ITCH: variants seen among roughly 807,000 people sequenced by gnomAD.
ITCH encodes the protein E3 ubiquitin-protein ligase Itchy homolog.
Under a neutral mutation model 126.8 loss-of-function variants are expected in ITCH, and 28 were observed. That is an observed-to-expected ratio of 0.22 (90% CI 0.16 to 0.30). The LOEUF (loss-of-function observed/expected upper bound fraction) is 0.30, where lower values mean the gene tolerates loss of function less well. Ranked by LOEUF, ITCH falls within the 10% of genes least tolerant of loss-of-function variation. The pLI, the probability that ITCH is intolerant of heterozygous loss-of-function variation, is 1.00. For missense variants in ITCH, 631 were observed against 1,032.4 expected (o/e 0.61, Z 5.33); for synonymous variants, 342 against 340.0 (o/e 1.01, Z -0.06).
At chr20:34,447,888 T>C (rs1287270990) in intron 11 of ITCH, among the ~76,000 whole-genome samples, 1 of 152,168 alleles carries the variant, frequency 6.6e-6, no homozygotes, top group Admixed American at 6.5e-5. Flanking sequence ...GACATGGGGT[T>C]GTAGGGGTGG....
Position 34,497,362 on chromosome 20 carries a change from C to T in ITCH, c.2416+4765C>T, listed in dbSNP as rs148638003. ...AAATATGTGGGTTTGTTTCTGGGTTCTCTCTTCTGTTCCACTGGTCTATGT... is the reference window on the plus strand; with the variant it reads ...AAATATGTGGGTTTGTTTCTGGGTTTTCTCTTCTGTTCCACTGGTCTATGT... On this transcript the variant is annotated intron_variant, in intron 23 of 24. Transcript: ENST00000374864. 1.2e-3 allele frequency among the ~76,000 whole-genome samples: 189 copies of T among 152,220 alleles called. 1 individual carries two copies. Among genetic ancestry groups the T allele is most frequent in the African/African-American group, 4.1e-3 (171 of 41,530 alleles).
intron 14 of ITCH, among the ~76,000 whole-genome samples, chr20:34,468,768 G>A (rs745411321): frequency 2.0e-5 from 3 of 148,060 alleles, no homozygotes; most frequent in Non-Finnish European, 4.5e-5. Context: ...TCCAGCCTGG[G>A]AGACAGAGCA....
At chr20:34,502,034 C>T (rs112407403) in intron 23 of ITCH, among the ~76,000 whole-genome samples, 45 of 152,122 alleles carry the variant, frequency 3.0e-4, no homozygotes, top group Admixed American at 2.4e-3. Context: ...AAAAAAGCCT[C>T]GGAGACCATA....
At chr20:34,504,555 C>G in intron 24 of ITCH, 152 bp downstream of exon 24, 1 of 642,124 alleles carries the variant, frequency 1.6e-6, no homozygotes, top group Non-Finnish European at 2.8e-6. Flanking sequence ...TTGTTCACCC[C>G]TGTATGATTC....
chr20:34,491,610 CAT>C (rs1989520830), intron 22 of ITCH, among the ~76,000 whole-genome samples: 2 of 152,216 alleles, frequency 1.3e-5, no homozygotes, highest in African/African-American at 4.8e-5. Flanking sequence ...TAAAAAAATT[CAT>C]ATGAGAAACT....
At chr20:34,452,638 G>T (rs1985402833) in intron 12 of ITCH, among the ~76,000 whole-genome samples, 1 of 152,160 alleles carries the variant, frequency 6.6e-6, no homozygotes, top group South Asian at 2.1e-4. Context: ...TATATGCTGG[G>T]ACTAGACATT....
chr20:34,442,412 C>T (rs1285393449), intron 10 of ITCH, 109 bp downstream of exon 10: 3 of 800,308 alleles, frequency 3.7e-6, no homozygotes, highest in Admixed American at 2.1e-5. Context: ...AGCCCTTTCT[C>T]TGTCCACTTT....
At chr20:34,410,243 C>T (rs1361751033) in intron 4 of ITCH, among the ~76,000 whole-genome samples, 2 of 151,854 alleles carry the variant, frequency 1.3e-5, no homozygotes, top group African/African-American at 2.4e-5. Context: ...TGGTGGGTGC[C>T]TGTAATCCCA....
rs771636843 is a variant in ITCH, at chr20:34,481,126, A to C, written c.2013A>C (p.Leu671=). The C allele has an allele frequency of 6.2e-7, 1 of 1,613,318 alleles. No homozygotes were observed. Among genetic ancestry groups the C allele is most frequent in the Non-Finnish European group, 8.5e-7 (1 of 1,179,392 alleles). The change falls in exon 20 of 25, where the codon CTA becomes CTC. Residue 671 remains leucine, a synonymous_variant. Coordinates refer to ENST00000374864, the MANE Select transcript of ITCH (RefSeq NM_031483.7). Reference sequence around the variant, plus strand: ...ACTTCTCCGTTGACAAAGAAATTCTAGGTGAAATTAAGAGTCATGATCTGA... The same window carrying C: ...ACTTCTCCGTTGACAAAGAAATTCTCGGTGAAATTAAGAGTCATGATCTGA... ...EMYFSVDKEI[L]GEIKSHDLKP...
chr20:34,430,537 G>C (rs1049083828), intron 7 of ITCH, among the ~76,000 whole-genome samples: 2 of 152,084 alleles, frequency 1.3e-5, no homozygotes, highest in Non-Finnish European at 1.5e-5. Context: ...GCAGTGACGC[G>C]ATCTCGGCTC....
chr20:34,491,459 G>A lies in ITCH; in HGVS notation c.2320-1042G>A, dbSNP rs1169287339. Among the ~76,000 whole-genome samples, 8 of 152,146 alleles carry A rather than the reference G, an allele frequency of 5.3e-5. 1 individual carries two copies. Among genetic ancestry groups the A allele is most frequent in the Admixed American group, 5.2e-4 (8 of 15,268 alleles). ...AGGTTTTACTTGGGATGATGAAAAA[G>A]TTGGAAATAGTGGCGATGGTTGCAC... On this transcript the variant is annotated intron_variant, in intron 22 of 24. Transcript: ENST00000374864.
At chr20:34,420,488 G>C (rs943809695) in intron 6 of ITCH, among the ~76,000 whole-genome samples, 9 of 152,160 alleles carry the variant, frequency 5.9e-5, no homozygotes, top group African/African-American at 2.2e-4. Flanking sequence ...TTCATTGATA[G>C]ACATTTGGCT....
In ITCH at chr20:34,471,651, C is replaced by T. The variant is rs558489212; in HGVS notation, c.1569+136C>T. On this transcript the variant is annotated intron_variant, in intron 16 of 24. Transcript: ENST00000374864. ...GAATTTTTCAAGTGCGATCTCATTG[C>T]CAGCCACCTTAGGGCTTAAGGGGTG... 1.4e-5 allele frequency: 9 copies of T among 657,622 alleles called. No homozygotes were observed. The East Asian group carries it at 2.4e-4, about 17-fold the overall frequency. The allele number at this position is 657,622 out of a possible 1,614,324, so 40.7% of individuals were successfully genotyped here.
chr20:34,475,200 A>G (rs1174343976), intron 16 of ITCH, among the ~76,000 whole-genome samples: 1 of 150,676 alleles, frequency 6.6e-6, no homozygotes, highest in South Asian at 2.1e-4. Flanking sequence ...GGCTCCTCAC[A>G]TCCCAGACGA....
At chr20:34,369,197 G>C (rs2037528429) in intron 1 of ITCH, among the ~76,000 whole-genome samples, 197 bp from the exon 2 acceptor site, 1 of 152,158 alleles carries the variant, frequency 6.6e-6, no homozygotes, top group African/African-American at 2.4e-5. Flanking sequence ...GCGTGGGGGT[G>C]CACGCCCGTA....
intron 15 of ITCH, among the ~76,000 whole-genome samples, chr20:34,470,499 C>G (rs1157894378): frequency 3.3e-5 from 5 of 151,886 alleles, no homozygotes; most frequent in Non-Finnish European, 7.4e-5. Flanking sequence ...AACATTGTCA[C>G]TTTTTCCTCA....
Position 34,503,111 on chromosome 20 carries a change from C to T in ITCH, c.2417-1220C>T, listed in dbSNP as rs76967724. ...TAATTTTAACTGTGTTTTTTTATAA[C>T]GTTTCCTATATTACTGGACTTTTTA... On this transcript the variant is annotated intron_variant, in intron 23 of 24. Coordinates refer to ENST00000374864, the MANE Select transcript of ITCH (RefSeq NM_031483.7). Among the ~76,000 whole-genome samples, 1,368 of 152,162 alleles carry T rather than the reference C, an allele frequency of 9.0e-3. 19 individuals carry two copies. The highest frequency in any genetic ancestry group is 0.031 in the African/African-American group (1,287 of 41,506).
rs1362672258 is a variant in ITCH at position 34,474,860 on chromosome 20, G to A, written c.1570-2912G>A. ...TGGAGACGCTCCTCACTTCCCAGAC[G>A]GGGCGGCTGCCGGGCGGAGGGGCTC... On this transcript the variant is annotated intron_variant, in intron 16 of 24. Transcript: ENST00000374864. Among the ~76,000 whole-genome samples the A allele has an allele frequency of 3.3e-5, 5 of 151,890 alleles. 1 individual carries two copies. Among genetic ancestry groups the A allele is most frequent in the South Asian group, 2.1e-4 (1 of 4,812 alleles).
At chr20:34,399,970 C>T (rs981663360) in intron 3 of ITCH, among the ~76,000 whole-genome samples, 2 of 151,766 alleles carry the variant, frequency 1.3e-5, no homozygotes, top group African/African-American at 2.4e-5. Flanking sequence ...GACGGAGTCT[C>T]GCTCTGTTGC....
Sources: allele counts gnomAD v4.1 joint callset (sites outside exome capture counted in the v4.1 genomes callset), GRCh38; gene constraint gnomAD v4.1.1; transcripts MANE v1.5; gene names NCBI Gene and HGNC (gene_info 2026-07-23, HGNC 2026-07-21).